PTPRF: variants seen among roughly 807,000 people sequenced by gnomAD.
The protein encoded by PTPRF is receptor-type tyrosine-protein phosphatase F.
A neutral mutation model predicts 201.8 loss-of-function variants in PTPRF; 59 were observed. That is an observed-to-expected ratio of 0.29 (90% CI 0.24 to 0.36). The LOEUF (loss-of-function observed/expected upper bound fraction) is 0.36. Ranked by LOEUF, PTPRF falls within the 10% of genes least tolerant of loss-of-function variation. PTPRF has a pLI of 1.00. For synonymous variants in PTPRF, 1,088 were observed against 1,089.7 expected, an observed-to-expected ratio of 1.00 and a Z score of 0.03; for missense variants, 2,132 against 2,690.5, an observed-to-expected ratio of 0.79 and a Z score of 4.59.
intron 2 of PTPRF, among the ~76,000 whole-genome samples, chr1:43,543,400 C>G (rs932644541): frequency 2.0e-5 from 3 of 152,178 alleles, no homozygotes; most frequent in African/African-American, 7.2e-5. Context: ...GTAAATGGGG[C>G]TGGACACCTA....
At chr1:43,578,669 C>T in intron 6 of PTPRF, 141 bp from the exon 7 acceptor site, 1 of 646,782 alleles carries the variant, frequency 1.5e-6, no homozygotes, top group Non-Finnish European at 2.7e-6. Context: ...TTCCTGGAAG[C>T]AGCAGGGGTG....
intron 2 of PTPRF, among the ~76,000 whole-genome samples, chr1:43,539,293 C>T (rs1177416345): frequency 3.3e-5 from 5 of 152,072 alleles, no homozygotes; most frequent in African/African-American, 9.7e-5. Flanking sequence ...GGAGGGTTTG[C>T]GGGCTTGGTG....
At chr1:43,565,453 G>A (rs1172051743) in intron 5 of PTPRF, among the ~76,000 whole-genome samples, 1 of 152,212 alleles carries the variant, frequency 6.6e-6, no homozygotes, top group African/African-American at 2.4e-5. Context: ...TGCGTGAGCC[G>A]GGGAGACCCT....
In PTPRF at chr1:43,603,727, C is replaced by T. The variant is rs903248544; in HGVS notation, c.2575C>T (p.Arg859Trp). 13 of 1,613,606 alleles carry T rather than the reference C, an allele frequency of 8.1e-6. No individual in the cohort carries two copies. The highest frequency in any genetic ancestry group is 3.3e-5 in the Admixed American group (2 of 60,006). ...ELLGYRLQYC[R>W]ADEARPNTID... Reference sequence around the variant, plus strand: ...GCTGGGCTACCGGCTGCAGTACTGCCGGGCCGACGAGGCGCGGCCCAACAC... The same window carrying T: ...GCTGGGCTACCGGCTGCAGTACTGCTGGGCCGACGAGGCGCGGCCCAACAC... The change falls in exon 16 of 34, where the codon CGG becomes TGG. Residue 859 changes from arginine (R) to tryptophan (W), a missense_variant. By Grantham distance (101) the Arg-to-Trp change is moderately radical. Coordinates refer to ENST00000359947, the MANE Select transcript of PTPRF (RefSeq NM_002840.5). This position sits in a 1 kb window ranked among gnomAD's most constrained non-coding sequence, Gnocchi z 5.8.
intron 21 of PTPRF, among the ~76,000 whole-genome samples, chr1:43,608,328 C>G (rs1011699281): frequency 2.0e-5 from 3 of 152,192 alleles, no homozygotes; most frequent in African/African-American, 7.2e-5. Flanking sequence ...ACCTAGTAAA[C>G]AAGAAAGGTA....
rs760616902 is a variant in PTPRF at position 43,619,208 on chromosome 1, AG to A, written c.4646+9del. ...CCCATGGTGGTGCACTGCAGGTGAG[AG>A]GGTACAGTGCCACCCAGAGGGGTGG... On this transcript the variant is annotated splice_region_variant and intron_variant, in intron 27 of 33. Coordinates refer to ENST00000359947, the MANE Select transcript of PTPRF (RefSeq NM_002840.5). The A allele has an allele frequency of 1.7e-6, 2 of 1,181,462 alleles. No homozygotes were observed. The highest frequency in any genetic ancestry group is 2.4e-5 in the South Asian group (2 of 83,102). 73.2% of individuals were successfully genotyped at this position (1,181,462 alleles called of 1,614,324 possible).
At chr1:43,600,395 C>T (rs1653456558) in intron 13 of PTPRF, among the ~76,000 whole-genome samples, 1 of 152,154 alleles carries the variant, frequency 6.6e-6, no homozygotes, top group Admixed American at 6.5e-5. Flanking sequence ...TCTCAGACAT[C>T]CCATCATGGG....
At chr1:43,617,321 C>T (rs1658108433) in intron 23 of PTPRF, 124 bp from the exon 24 acceptor site, 12 of 1,388,646 alleles carry the variant, frequency 8.6e-6, no homozygotes, top group Admixed American at 5.9e-5. Flanking sequence ...GATAGAGGGC[C>T]TGGCTGTGGC....
In PTPRF at chr1:43,537,497, CA is replaced by C. The variant is rs1327379719; in HGVS notation, c.-125-700del. Among the ~76,000 whole-genome samples the C allele has an allele frequency of 6.6e-6, 1 of 152,190 alleles. No individual in the cohort carries two copies. Among genetic ancestry groups the C allele is most frequent in the Non-Finnish European group, 1.5e-5 (1 of 68,050 alleles). On this transcript the variant is annotated intron_variant, in intron 1 of 33. Coordinates refer to ENST00000359947, the MANE Select transcript of PTPRF (RefSeq NM_002840.5). The surrounding 1 kb of genome is among the most constrained non-coding windows in gnomAD (Gnocchi z 4.8). ...CACCTACTATGTGCCAGCTGTCAGC[CA>C]GGCGCTGGGGATACGGAAATGAGCT...
At chr1:43,556,441 T>C (rs1241872183) in intron 5 of PTPRF, among the ~76,000 whole-genome samples, 1 of 152,210 alleles carries the variant, frequency 6.6e-6, no homozygotes, top group Admixed American at 6.5e-5. Flanking sequence ...TTTGTATTTT[T>C]AGTAGAGACG....
At chr1:43,617,339 G>T in intron 23 of PTPRF, 106 bp from the exon 24 acceptor site, 1 of 1,501,360 alleles carries the variant, frequency 6.7e-7, no homozygotes, top group Non-Finnish European at 9.1e-7. Context: ...GGCCTGTGGA[G>T]TGAAGGCAGG....
At position 43,570,255 on chromosome 1, in the gene PTPRF, A is replaced by G. The variant is rs374104073; in HGVS notation, c.568+477A>G. 2.1e-4 allele frequency among the ~76,000 whole-genome samples: 32 copies of G among 152,370 alleles called. No individual in the cohort carries two copies. The East Asian group carries it at 2.9e-3, about 14-fold the overall frequency. ...GACTTGCTGTTGTCCCTCGACCACC[A>G]GAGCCACCTGTCTCCTCTGGATGTC... On this transcript the variant is annotated intron_variant, in intron 6 of 33. Transcript: ENST00000359947.
chr1:43,556,700 C>T (rs1645400748), intron 5 of PTPRF, among the ~76,000 whole-genome samples: 1 of 152,200 alleles, frequency 6.6e-6, no homozygotes, highest in Non-Finnish European at 1.5e-5. Context: ...CTCATTTGCT[C>T]CATCTGTAAA....
chr1:43,586,765 A>C (rs1649267564), intron 7 of PTPRF, among the ~76,000 whole-genome samples: 1 of 152,208 alleles, frequency 6.6e-6, no homozygotes, highest in Admixed American at 6.5e-5. Flanking sequence ...GTTCTCAAGC[A>C]GCTTTTCCTG....
Position 43,603,575 on chromosome 1 carries a change from G to A in PTPRF, c.2459-36G>A. The A allele has an allele frequency of 6.2e-7, 1 of 1,612,460 alleles. No individual in the cohort carries two copies. Among genetic ancestry groups the A allele is most frequent in the Non-Finnish European group, 8.5e-7 (1 of 1,178,948 alleles). On this transcript the variant is annotated intron_variant, in intron 15 of 33. Coordinates refer to ENST00000359947, the MANE Select transcript of PTPRF (RefSeq NM_002840.5). The surrounding 1 kb of genome is among the most constrained non-coding windows in gnomAD (Gnocchi z 5.8). ...GACGGACCTGAGGGTGGGGCAGCAG[G>A]AGGGCAGCGCCAGAGCCCAGCCCGT...
chr1:43,532,913 G>C (rs1185494368), intron 1 of PTPRF, among the ~76,000 whole-genome samples: 1 of 151,330 alleles, frequency 6.6e-6, no homozygotes, highest in Middle Eastern at 3.2e-3. Context: ...CTGCTTTCTT[G>C]CCCCCTCTCG....
chr1:43,535,300 A>G (rs771307084), intron 1 of PTPRF, among the ~76,000 whole-genome samples: 2 of 152,052 alleles, frequency 1.3e-5, no homozygotes, highest in African/African-American at 4.8e-5. Flanking sequence ...AAGAGACTCC[A>G]TGTTTGGGGT....
At chr1:43,551,827 C>T (rs1264041628) in intron 3 of PTPRF, among the ~76,000 whole-genome samples, 2 of 152,210 alleles carry the variant, frequency 1.3e-5, no homozygotes, top group African/African-American at 4.8e-5. Flanking sequence ...TGACAGAATC[C>T]TGTGTCACTG....
At chr1:43,556,209 A>G (rs1381272535) in intron 5 of PTPRF, among the ~76,000 whole-genome samples, 1 of 152,176 alleles carries the variant, frequency 6.6e-6, no homozygotes, top group Non-Finnish European at 1.5e-5. Flanking sequence ...GTTCACACAC[A>G]CATCTCCATT....
Sources: gnomAD v4.1 joint callset for allele counts (sites outside exome capture counted in the v4.1 genomes callset) on GRCh38, gnomAD v4.1.1 for gene constraint, Gnocchi (gnomAD v3.1) non-coding constraint, MANE v1.5 for transcripts, NCBI Gene and HGNC (gene_info 2026-07-23, HGNC 2026-07-21) for gene names.